The following C8orf34 variants were observed in gnomAD, a reference collection of about 807,000 sequenced individuals.
C8orf34 encodes the protein uncharacterized protein C8orf34.
C8orf34 carries 65 observed loss-of-function variants against 68.3 expected under a neutral mutation model. That is an observed-to-expected ratio of 0.95 (90% confidence interval 0.78 to 1.17). The LOEUF (loss-of-function observed/expected upper bound fraction) is 1.17. Ranked by LOEUF, C8orf34 falls within the 50% of genes most tolerant of loss-of-function variation. C8orf34 has a pLI of 0.00. For missense variants in C8orf34, 664 were observed against 655.4 expected (o/e 1.01, Z -0.14); for synonymous variants, 244 against 241.2 (o/e 1.01, Z -0.11).
chr8:68,783,315 C>T (rs895326038), intron 11 of C8orf34, among the ~76,000 whole-genome samples: 2 of 151,802 alleles, frequency 1.3e-5, no homozygotes, highest in Non-Finnish European at 2.9e-5. Context: ...GTCAGGAGAT[C>T]GAGACCAGCC....
At chr8:68,613,902 A>C (rs1428302773) in intron 7 of C8orf34, among the ~76,000 whole-genome samples, 2 of 152,052 alleles carry the variant, frequency 1.3e-5, no homozygotes, top group African/African-American at 2.4e-5. Flanking sequence ...TTACAGTCCC[A>C]CCAACAGTGT....
intron 10 of C8orf34, among the ~76,000 whole-genome samples, chr8:68,749,192 A>C (rs932748524): frequency 6.7e-6 from 1 of 150,270 alleles, no homozygotes; most frequent in Non-Finnish European, 1.5e-5. Context: ...AACAATGAGA[A>C]CACATGGACA....
chr8:68,430,875 AT>A (rs914170131), intron 1 of C8orf34, among the ~76,000 whole-genome samples: 3 of 152,044 alleles, frequency 2.0e-5, no homozygotes, highest in South Asian at 2.1e-4. Flanking sequence ...TTCTCTAAAC[AT>A]TTTTTTTCCT....
intron 1 of C8orf34, among the ~76,000 whole-genome samples, chr8:68,418,571 G>T (rs1488064573): frequency 1.3e-5 from 2 of 152,070 alleles, no homozygotes; most frequent in Non-Finnish European, 2.9e-5. Flanking sequence ...TTTTGTCTTT[G>T]GTTCTGTTTA....
chr8:68,732,422 AC>A (rs1397437843), intron 10 of C8orf34, among the ~76,000 whole-genome samples: 3 of 152,080 alleles, frequency 2.0e-5, no homozygotes, highest in African/African-American at 7.2e-5. Flanking sequence ...TATTTATTAG[AC>A]TTTTTAATGA....
At chr8:68,362,186 GCTTT>G (rs927155098) in intron 1 of C8orf34, among the ~76,000 whole-genome samples, 27 of 152,252 alleles carry the variant, frequency 1.8e-4, no homozygotes, top group African/African-American at 6.0e-4. Context: ...TTGATTGATT[GCTTT>G]CTTTCTTATA....
In C8orf34 at chr8:68,787,515, G is replaced by A; in HGVS notation, c.1528G>A (p.Val510Met). Residue 510 changes from valine (V) to methionine (M), a missense_variant, in exon 12 of 14, where the codon GTG (valine) becomes ATG (methionine). Coordinates refer to ENST00000518698, the MANE Select transcript of C8orf34 (RefSeq NM_052958.4). ...GCCAAGTGACACAGAAAGTGAAGGA[G>A]TGGAAGCAGAACAAGAGAAACGTGA... ...ILPSDTESEGVEAEQEKRSAD... is the reference protein window; with the variant it reads ...ILPSDTESEGMEAEQEKRSAD... 1 of 1,611,194 alleles carries A rather than the reference G, an allele frequency of 6.2e-7. No homozygotes were observed. Among genetic ancestry groups the A allele is most frequent in the Non-Finnish European group, 8.5e-7 (1 of 1,178,158 alleles).
chr8:68,781,333 A>G (rs1358440880), intron 11 of C8orf34, among the ~76,000 whole-genome samples: 1 of 152,192 alleles, frequency 6.6e-6, no homozygotes, highest in East Asian at 1.9e-4. Flanking sequence ...ATTGATTCAG[A>G]GCTAGCAACC....
rs556881080 is a variant in C8orf34 at position 68,741,817 on chromosome 8, A to T, written c.1404+20380A>T. Reference sequence around the variant, plus strand: ...ATGACTGGATCTCATTCTTTTGTATAGATGAATAGTACTCCATTGTTTATA... The same window carrying T: ...ATGACTGGATCTCATTCTTTTGTATTGATGAATAGTACTCCATTGTTTATA... On this transcript the variant is annotated intron_variant, in intron 10 of 13. Coordinates refer to ENST00000518698, the MANE Select transcript of C8orf34 (RefSeq NM_052958.4). 1.4e-3 allele frequency among the ~76,000 whole-genome samples: 215 copies of T among 152,332 alleles called. 1 individual carries two copies. Among genetic ancestry groups the T allele is most frequent in the African/African-American group, 5.0e-3 (209 of 41,574 alleles).
At chr8:68,614,575 G>A (rs890545231) in intron 7 of C8orf34, among the ~76,000 whole-genome samples, 1 of 152,086 alleles carries the variant, frequency 6.6e-6, no homozygotes, top group African/African-American at 2.4e-5. Context: ...TTTTTCTCAG[G>A]TTTGTCAAAG....
chr8:68,468,733 A>G lies in C8orf34; in HGVS notation c.649A>G (p.Lys217Glu). 3 of 1,612,988 alleles carry G rather than the reference A, an allele frequency of 1.9e-6. No individual in the cohort carries two copies. Among genetic ancestry groups the G allele is most frequent in the Non-Finnish European group, 2.5e-6 (3 of 1,179,294 alleles). Residue 217 changes from lysine to glutamate, a missense_variant, in exon 4 of 14, where the codon AAA (lysine) becomes GAA (glutamate). Coordinates refer to ENST00000518698, the MANE Select transcript of C8orf34 (RefSeq NM_052958.4). ...GCATCCAAAGTGGAACTGGAGGACTAAACCACAAAGCCGTGATTTTGATGA... is the reference window on the plus strand; with the variant it reads ...GCATCCAAAGTGGAACTGGAGGACTGAACCACAAAGCCGTGATTTTGATGA... ...VEHPKWNWRT[K>E]PQSRDFDELN...
At position 68,774,325 on chromosome 8, in the gene C8orf34, G is replaced by GTATATATATATATATATATATA. The variant is rs1491199296; in HGVS notation, c.1405-2073_1405-2072insATATATATATATATATATATAT. Among the ~76,000 whole-genome samples the GTATATATATATATATATATATA allele has an allele frequency of 1.0e-4, 4 of 39,250 alleles. No homozygotes were observed. In the South Asian group the frequency reaches 2.7e-3, roughly 26 times the overall value. 25.7% of individuals were successfully genotyped at this position (39,250 alleles called of 152,430 possible). ...TTTATCTATGTATAAAAATATGGGT[G>GTATATATATATATATATATATA]TGTGTGTATATATATATATATATAA... On this transcript the variant is annotated intron_variant, in intron 10 of 13. Coordinates refer to ENST00000518698, the MANE Select transcript of C8orf34 (RefSeq NM_052958.4).
rs142673869 is a variant in C8orf34, at chr8:68,569,490, T to A, written c.1105+36341T>A. On this transcript the variant is annotated intron_variant, in intron 7 of 13. Coordinates refer to ENST00000518698, the MANE Select transcript of C8orf34 (RefSeq NM_052958.4). ...CTTCATTGATGCCCGGGACTCCCAGTAGCTGGGACACTGCCCCATGGCAGA... is the reference window on the plus strand; with the variant it reads ...CTTCATTGATGCCCGGGACTCCCAGAAGCTGGGACACTGCCCCATGGCAGA... Among the ~76,000 whole-genome samples the A allele has an allele frequency of 8.2e-3, 1,251 of 152,218 alleles. 20 individuals are homozygous for A. Among genetic ancestry groups the A allele is most frequent in the African/African-American group, 0.028 (1,179 of 41,540 alleles).
Position 68,436,750 on chromosome 8 carries a change from T to G in C8orf34, c.328-2749T>G, listed in dbSNP as rs1389811105. On this transcript the variant is annotated intron_variant, in intron 1 of 13. Transcript: ENST00000518698. The stretch of plus-strand genomic sequence containing the variant: ...TGATTCCTGTAAAACTTTCTGCAAT[T>G]GATTTCTACTCCAAATTAACATACT... Among the ~76,000 whole-genome samples, 47 of 152,206 alleles carry G rather than the reference T, an allele frequency of 3.1e-4. 1 individual carries two copies. Among genetic ancestry groups the G allele is most frequent in the Admixed American group, 3.1e-3 (47 of 15,270 alleles).
At chr8:68,437,622 G>A (rs1586140294) in intron 1 of C8orf34, among the ~76,000 whole-genome samples, 1 of 152,070 alleles carries the variant, frequency 6.6e-6, no homozygotes, top group East Asian at 1.9e-4. Context: ...CTTCACAACA[G>A]TAGCAGATGG....
At chr8:68,344,308 T>C (rs1023729170) in intron 1 of C8orf34, among the ~76,000 whole-genome samples, 1 of 152,082 alleles carries the variant, frequency 6.6e-6, no homozygotes, top group African/African-American at 2.4e-5. Flanking sequence ...AAAAGCCAAA[T>C]GAAAAGTTTA....
At chr8:68,742,258 C>A (rs1644446190) in intron 10 of C8orf34, among the ~76,000 whole-genome samples, 1 of 152,198 alleles carries the variant, frequency 6.6e-6, no homozygotes, top group Non-Finnish European at 1.5e-5. Context: ...TCCATTTAGC[C>A]TTCCTTTGCT....
intron 1 of C8orf34, among the ~76,000 whole-genome samples, chr8:68,435,460 G>T (rs1810625204): frequency 6.6e-6 from 1 of 152,130 alleles, no homozygotes; most frequent in Non-Finnish European, 1.5e-5. Flanking sequence ...CCAGCCTGCA[G>T]CAGGGAAGCA....
intron 1 of C8orf34, among the ~76,000 whole-genome samples, chr8:68,391,921 C>A (rs1000539459): frequency 1.3e-5 from 2 of 152,104 alleles, no homozygotes; most frequent in Non-Finnish European, 2.9e-5. Flanking sequence ...TGGGAAAATG[C>A]AATTCCACCA....
Sources: gnomAD v4.1 joint callset for allele counts (sites outside exome capture counted in the v4.1 genomes callset) on GRCh38, gnomAD v4.1.1 for gene constraint, MANE v1.5 for transcripts, NCBI Gene and HGNC (gene_info 2026-07-23, HGNC 2026-07-21) for gene names.